The following MYOM2 variants were observed in gnomAD, a reference collection of about 807,000 sequenced individuals.
MYOM2 encodes the protein myomesin-2.
MYOM2 carries 254 observed loss-of-function variants against 187.6 expected under a neutral mutation model. The ratio of observed to expected loss-of-function variants is 1.35; its 90% CI spans 1.22 to 1.50. MYOM2 has a LOEUF of 1.50. Ranked by LOEUF, MYOM2 falls within the 40% of genes most tolerant of loss-of-function variation. MYOM2 has a pLI of 0.00. For synonymous variants in MYOM2, 981 were observed against 753.8 expected (o/e 1.30, Z -4.94); for missense variants, 2,796 against 1,924.0 (o/e 1.45, Z -8.48).
At chr8:2,093,562 C>T (rs6558602) in intron 16 of MYOM2, among the ~76,000 whole-genome samples, 5,984 of 152,260 alleles carry the variant, frequency 0.039, 384 homozygotes, top group African/African-American at 0.13. Context: ...GGTTTCAAAG[C>T]CCCAGTATTC....
intron 21 of MYOM2, among the ~76,000 whole-genome samples, chr8:2,105,509 G>C (rs1228661384): frequency 2.6e-5 from 4 of 152,182 alleles, no homozygotes; most frequent in African/African-American, 9.7e-5. Flanking sequence ...AGGCAGAGCT[G>C]TGTGAAGGGG....
rs1285632269 is a variant in MYOM2, at chr8:2,116,102, A to G, written c.3323A>G (p.Asp1108Gly). The G allele has an allele frequency of 6.3e-7, 1 of 1,595,712 alleles. No homozygotes were observed. Among genetic ancestry groups the G allele is most frequent in the Non-Finnish European group, 8.5e-7 (1 of 1,176,096 alleles). The change falls in exon 26 of 37, where the codon GAT becomes GGT. Residue 1108 changes from aspartate to glycine, a missense_variant and splice_region_variant. Asp to Gly is a moderately conservative substitution (Grantham distance 94). Coordinates refer to ENST00000262113, the MANE Select transcript of MYOM2 (RefSeq NM_003970.4). ...CAGTCTTCTCTAGTTCTTATTGGAG[A>G]TGGTATGCTATATCGAATATTTCCA... ...KSQSSLVLIG[D>G]AFKTVLEEAE... is the part of the protein sequence containing the mutation.
chr8:2,129,137 T>C lies in MYOM2; in HGVS notation c.3705T>C (p.Ala1235=), dbSNP rs1377482841. The C allele has an allele frequency of 6.2e-7, 1 of 1,604,084 alleles. No individual in the cohort carries two copies. Among genetic ancestry groups the C allele is most frequent in the East Asian group, 2.2e-5 (1 of 44,612 alleles). Residue 1235 remains alanine (A), a synonymous_variant, in exon 32 of 37, where the codon GCT becomes GCC. Transcript: ENST00000262113. Reference sequence around the variant, plus strand: ...TTTTATTTTCTGCAGGGAAATCTGCTTCGCCACTGAAGGTACTCTGCACCC... The same window carrying C: ...TTTTATTTTCTGCAGGGAAATCTGCCTCGCCACTGAAGGTACTCTGCACCC... ...LAMSRVCGKS[A]SPLKVLCTPE...
intron 18 of MYOM2, 79 bp downstream of exon 18, chr8:2,096,513 A>G: frequency 7.3e-7 from 1 of 1,377,782 alleles, no homozygotes; most frequent in Non-Finnish European, 1.0e-6. Context: ...GCGTTTGATG[A>G]CATTAGATAG....
intron 8 of MYOM2, among the ~76,000 whole-genome samples, chr8:2,070,404 CTT>C (rs1191837875): frequency 6.6e-6 from 1 of 152,152 alleles, no homozygotes; most frequent in African/African-American, 2.4e-5. Flanking sequence ...TTCTGTGTGA[CTT>C]TTTTTGCTGG....
chr8:2,096,473 G>A, intron 18 of MYOM2, 39 bp downstream of exon 18: 1 of 1,595,574 alleles, frequency 6.3e-7, no homozygotes, highest in African/African-American at 1.3e-5. Context: ...TTTTGCCTGG[G>A]TGGTTCTTTA....
Position 2,093,993 on chromosome 8 carries a change from C to T in MYOM2, c.2027C>T (p.Thr676Met), listed in dbSNP as rs36068567. The change falls in exon 17 of 37, where the codon ACG (threonine) becomes ATG (methionine). Residue 676 changes from threonine to methionine, a missense_variant. Thr to Met is a moderately conservative substitution (Grantham distance 81). Transcript: ENST00000262113. Reference protein sequence around the residue: ...YNRFVVHGLTTGEQYIFRVKA... With the variant: ...YNRFVVHGLTMGEQYIFRVKA... ...AGGTTCGTGGTGCACGGCTTAACCACGGGAGAGCAGTACATCTTCCGAGTC... is the reference window on the plus strand; with the variant it reads ...AGGTTCGTGGTGCACGGCTTAACCATGGGAGAGCAGTACATCTTCCGAGTC... 6.1e-4 allele frequency: 990 copies of T among 1,614,108 alleles called. No homozygotes were observed. The highest frequency in any genetic ancestry group is 7.1e-4 in the Non-Finnish European group (842 of 1,180,032).
At chr8:2,124,620 A>G (rs1474678077) in intron 31 of MYOM2, among the ~76,000 whole-genome samples, 1 of 152,254 alleles carries the variant, frequency 6.6e-6, no homozygotes, top group Non-Finnish European at 1.5e-5. Context: ...ATAAATGCCC[A>G]GAGGTGGGAT....
At chr8:2,143,521 C>T in intron 36 of MYOM2, 65 bp downstream of exon 36, 1 of 1,595,440 alleles carries the variant, frequency 6.3e-7, no homozygotes, top group Non-Finnish European at 8.6e-7. Flanking sequence ...AACCCCTTCT[C>T]TTGGGGCGGA....
intron 21 of MYOM2, among the ~76,000 whole-genome samples, chr8:2,104,655 G>A (rs1474619605): frequency 2.0e-5 from 3 of 152,172 alleles, no homozygotes; most frequent in African/African-American, 7.2e-5. Context: ...TCTGGAGGCG[G>A]GAAGTCTAAG....
intron 10 of MYOM2, among the ~76,000 whole-genome samples, chr8:2,075,431 C>G (rs3779851): frequency 0.84 from 127,584 of 151,858 alleles, 54,054 homozygotes; most frequent in South Asian, 0.9. Flanking sequence ...GAGAGGAAAC[C>G]ATTTGGCTCA....
chr8:2,084,769 G>A (rs986582270), intron 13 of MYOM2, among the ~76,000 whole-genome samples: 1 of 152,186 alleles, frequency 6.6e-6, no homozygotes, highest in Non-Finnish European at 1.5e-5. Context: ...GGGAGGAGCA[G>A]GCAAGGTGTT....
intron 3 of MYOM2, among the ~76,000 whole-genome samples, chr8:2,054,919 A>G (rs1818607039): frequency 7.9e-6 from 1 of 127,368 alleles, no homozygotes; most frequent in African/African-American, 2.6e-5. Flanking sequence ...ATACTGGGGA[A>G]CCAAGTACCT....
intron 32 of MYOM2, 61 bp downstream of exon 32, chr8:2,129,293 C>G (rs1216223275): frequency 8.6e-7 from 1 of 1,168,970 alleles, no homozygotes; most frequent in African/African-American, 1.5e-5. Flanking sequence ...GGGCGCACAG[C>G]TGGGACCAGG....
intron 12 of MYOM2, 41 bp downstream of exon 12, chr8:2,078,974 C>T (rs199500275): frequency 1.9e-6 from 3 of 1,592,902 alleles, no homozygotes; most frequent in East Asian, 2.2e-5. Context: ...GCCCAGGAAG[C>T]TTTGGCTGTT....
intron 10 of MYOM2, among the ~76,000 whole-genome samples, chr8:2,074,384 T>C (rs6558593): frequency 0.12 from 17,966 of 152,048 alleles, 2,199 homozygotes; most frequent in African/African-American, 0.31. Flanking sequence ...TGAGTTCCTG[T>C]TATAACTTTG....
chr8:2,133,769 A>G (rs1209776686), intron 32 of MYOM2, among the ~76,000 whole-genome samples: 1 of 116,844 alleles, frequency 8.6e-6, no homozygotes, highest in Non-Finnish European at 1.6e-5. Context: ...TCTGTCAGTC[A>G]TTGATCTCAG....
chr8:2,045,695 A>C (rs2129325145), intron 1 of MYOM2, among the ~76,000 whole-genome samples: 1 of 152,358 alleles, frequency 6.6e-6, no homozygotes, highest in South Asian at 2.1e-4. Context: ...GTTTTTGCCC[A>C]AAAATGACAG....
At chr8:2,063,593 G>T (rs1818918591) in intron 6 of MYOM2, among the ~76,000 whole-genome samples, 1 of 152,206 alleles carries the variant, frequency 6.6e-6, no homozygotes, top group Admixed American at 6.5e-5. Context: ...ATTCTTTGCT[G>T]AGTGATTTTA....
Sources: allele counts gnomAD v4.1 joint callset (sites outside exome capture counted in the v4.1 genomes callset), GRCh38; gene constraint gnomAD v4.1.1; transcripts MANE v1.5; gene names NCBI Gene and HGNC (gene_info 2026-07-23, HGNC 2026-07-21).